The following DIP2C variants were observed in gnomAD, a reference collection of about 807,000 sequenced individuals.
DIP2C encodes DIP2 acetate--CoA ligase C (putative), also known as disco-interacting protein 2 homolog C.
Under a neutral mutation model 192.4 loss-of-function variants are expected in DIP2C, and 33 were observed. The observed-to-expected ratio is 0.17, with a 90% CI of 0.13 to 0.23. The LOEUF (loss-of-function observed/expected upper bound fraction) is 0.23, where lower values mean the gene tolerates loss of function less well. Among genes scored for constraint, DIP2C ranks in the 10% least tolerant of loss-of-function variants. The probability of loss-of-function intolerance (pLI) is 1.00; values close to 1 mark genes in which losing one functional copy is unlikely to be tolerated. For synonymous variants in DIP2C, 979 were observed against 864.1 expected (o/e 1.13, Z -2.33); for missense variants, 1,537 against 2,110.1 (o/e 0.73, Z 5.32).
intron 24 of DIP2C, among the ~76,000 whole-genome samples, chr10:351,423 C>CGCCAGG (rs896711288): frequency 4.9e-4 from 75 of 152,282 alleles, no homozygotes; most frequent in African/African-American, 1.3e-3. Context: ...AGGACCTCTG[C>CGCCAGG]GCCAGGGCCA....
intron 24 of DIP2C, among the ~76,000 whole-genome samples, chr10:351,343 C>T (rs1049383900): frequency 6.6e-6 from 1 of 152,190 alleles, no homozygotes; most frequent in African/African-American, 2.4e-5. Flanking sequence ...CTGACCCTGA[C>T]CTCTACCAAA....
intron 1 of DIP2C, among the ~76,000 whole-genome samples, chr10:573,318 G>C (rs572222704): frequency 2.8e-4 from 43 of 152,302 alleles, no homozygotes; most frequent in Admixed American, 2.8e-3. Context: ...GGATGATTAA[G>C]AAAATTTCAA....
At chr10:556,263 A>ACAGCACCCACCCACCCCTCCCACAGC (rs1848863981) in intron 1 of DIP2C, among the ~76,000 whole-genome samples, 1 of 22,660 alleles carries the variant, frequency 4.4e-5, no homozygotes, top group Non-Finnish European at 7.7e-5. Flanking sequence ...GGATCCCAGG[A>ACAGCACCCACCCACCCCTCCCACAGC]CGGCACCCAC....
At chr10:356,278 CAA>C (rs1564607150) in intron 24 of DIP2C, 146 bp downstream of exon 24, 1 of 885,962 alleles carries the variant, frequency 1.1e-6, no homozygotes. Context: ...TCCCTAGGTA[CAA>C]AAGTCTCAGT....
chr10:625,697 A>G (rs898152363), intron 1 of DIP2C, among the ~76,000 whole-genome samples: 2 of 152,182 alleles, frequency 1.3e-5, no homozygotes, highest in African/African-American at 4.8e-5. Context: ...ACGAGCTCTT[A>G]ATAGTTCCAG....
At chr10:315,381 G>A (rs1337198483) in intron 31 of DIP2C, among the ~76,000 whole-genome samples, 2 of 152,112 alleles carry the variant, frequency 1.3e-5, no homozygotes, top group Non-Finnish European at 2.9e-5. Flanking sequence ...TCATCCTTGA[G>A]ACATTCTTAC....
At chr10:584,334 G>A (rs896598492) in intron 1 of DIP2C, among the ~76,000 whole-genome samples, 6 of 152,100 alleles carry the variant, frequency 3.9e-5, no homozygotes, top group South Asian at 2.1e-4. Flanking sequence ...CCAAGCATCT[G>A]TGTTTTTAGG....
intron 23 of DIP2C, among the ~76,000 whole-genome samples, chr10:357,270 C>T (rs920319427): frequency 6.6e-5 from 10 of 152,328 alleles, no homozygotes; most frequent in African/African-American, 2.2e-4. Context: ...GTTTCTCCCA[C>T]GGCTTCTAAC....
intron 1 of DIP2C, among the ~76,000 whole-genome samples, chr10:554,231 G>C (rs1429240921): frequency 6.6e-6 from 1 of 152,198 alleles, no homozygotes; most frequent in African/African-American, 2.4e-5. Flanking sequence ...TGGCGAACAG[G>C]CAGGAAATAT....
At chr10:364,925 C>G (rs570211445) in intron 19 of DIP2C, 17 of 542,542 alleles carry the variant, frequency 3.1e-5, no homozygotes, top group Non-Finnish European at 6.2e-5. Context: ...ATGTAAAAGA[C>G]GAGTGAAGAG....
intron 7 of DIP2C, among the ~76,000 whole-genome samples, chr10:415,019 G>C (rs1408124955): frequency 6.6e-6 from 1 of 150,792 alleles, no homozygotes; most frequent in East Asian, 2.0e-4. Flanking sequence ...TGGAATTATA[G>C]GCATGAGCCA....
chr10:463,185 A>T (rs912314560), intron 3 of DIP2C, among the ~76,000 whole-genome samples: 4 of 152,346 alleles, frequency 2.6e-5, no homozygotes, highest in Admixed American at 6.5e-5. Flanking sequence ...AAGGGTATTC[A>T]AATAGGAAGA....
At chr10:352,020 C>A (rs1958836632) in intron 24 of DIP2C, among the ~76,000 whole-genome samples, 1 of 152,220 alleles carries the variant, frequency 6.6e-6, no homozygotes, top group Admixed American at 6.5e-5. Context: ...CAGCTCAGCC[C>A]CCGCCCCGCT....
intron 2 of DIP2C, among the ~76,000 whole-genome samples, chr10:473,601 C>T (rs779741315): frequency 2.0e-5 from 3 of 151,744 alleles, no homozygotes; most frequent in Admixed American, 6.6e-5. Context: ...ACAGAAAGGA[C>T]GTCATCCTAC....
At chr10:545,252 C>T (rs896917037) in intron 1 of DIP2C, among the ~76,000 whole-genome samples, 3 of 146,716 alleles carry the variant, frequency 2.0e-5, no homozygotes, top group Non-Finnish European at 3.0e-5. Flanking sequence ...CTGCAACCTC[C>T]GCCTCCCAGG....
intron 1 of DIP2C, among the ~76,000 whole-genome samples, chr10:505,527 A>G (rs1056017766): frequency 1.3e-5 from 2 of 151,672 alleles, no homozygotes; most frequent in Non-Finnish European, 2.9e-5. Flanking sequence ...TCCTGTGTGC[A>G]CCTGACACCA....
At chr10:473,545 C>T (rs1441863047) in intron 2 of DIP2C, among the ~76,000 whole-genome samples, 7 of 151,718 alleles carry the variant, frequency 4.6e-5, no homozygotes, top group East Asian at 1.9e-4. Flanking sequence ...ACAGGAAGGA[C>T]GTCATCCTAT....
intron 32 of DIP2C, among the ~76,000 whole-genome samples, chr10:292,913 C>T (rs1398047936): frequency 6.6e-6 from 1 of 152,238 alleles, no homozygotes; most frequent in Non-Finnish European, 1.5e-5. Context: ...CTAGGACCAC[C>T]ACCCCCTGGC....
chr10:687,980 G>A (rs116828677), intron 1 of DIP2C, among the ~76,000 whole-genome samples: 81 of 152,302 alleles, frequency 5.3e-4, no homozygotes, highest in African/African-American at 1.9e-3. Flanking sequence ...CAGCGAACAC[G>A]GAGGGTGCTG....
Sources: allele counts gnomAD v4.1 joint callset (sites outside exome capture counted in the v4.1 genomes callset), GRCh38; gene constraint gnomAD v4.1.1; transcripts MANE v1.5; gene names NCBI Gene and HGNC (gene_info 2026-07-23, HGNC 2026-07-21).